ZNF76: variants seen among roughly 807,000 people sequenced by gnomAD.
ZNF76 encodes the protein zinc finger protein 523.
Under a neutral mutation model 66.9 loss-of-function variants are expected in ZNF76, and 66 were observed. The ratio of observed to expected loss-of-function variants is 0.99; its 90% CI spans 0.81 to 1.21. The LOEUF (loss-of-function observed/expected upper bound fraction) is 1.21. Among genes scored for constraint, ZNF76 ranks in the 50% most tolerant of loss-of-function variants. The pLI is 0.00. For synonymous variants in ZNF76, 275 were observed against 296.1 expected, an observed-to-expected ratio of 0.93 and a Z score of 0.73; for missense variants, 729 against 760.3, an observed-to-expected ratio of 0.96 and a Z score of 0.48.
intron 2 of ZNF76, among the ~76,000 whole-genome samples, chr6:35,281,506 A>G (rs1031598307): frequency 5.3e-5 from 8 of 152,222 alleles, no homozygotes; most frequent in African/African-American, 1.9e-4. Context: ...TGGAATGAAC[A>G]CAGTGTTAGT....
chr6:35,286,272 C>T (rs1046926158), intron 3 of ZNF76, 50 bp from the exon 4 acceptor site: 4 of 1,612,172 alleles, frequency 2.5e-6, no homozygotes, highest in Non-Finnish European at 3.4e-6. Context: ...CCAAGGGACC[C>T]CTCCATGGCA....
intron 1 of ZNF76, among the ~76,000 whole-genome samples, chr6:35,274,103 C>T (rs1036505052): frequency 2.0e-5 from 3 of 152,218 alleles, no homozygotes; most frequent in African/African-American, 7.2e-5. Context: ...TTGTTTGCCA[C>T]TCATCTTCAT....
At chr6:35,279,963 C>G (rs953851725) in intron 1 of ZNF76, 1 of 151,770 alleles carries the variant, frequency 6.6e-6, no homozygotes, top group African/African-American at 2.4e-5. Flanking sequence ...TCTTGTGTAG[C>G]TAGGATTGCA....
intron 2 of ZNF76, among the ~76,000 whole-genome samples, chr6:35,283,928 G>A (rs1789147196): frequency 6.6e-6 from 1 of 152,152 alleles, no homozygotes; most frequent in Admixed American, 6.5e-5. Context: ...CTGACCCCAA[G>A]AAGACTCAGT....
chr6:35,288,297 C>T (rs891430362), intron 5 of ZNF76: 1 of 370,884 alleles, frequency 2.7e-6, no homozygotes, highest in South Asian at 2.0e-5. Context: ...GGAAAATTAA[C>T]CTCAGTGGGC....
intron 1 of ZNF76, among the ~76,000 whole-genome samples, chr6:35,271,093 G>A (rs1295875265): frequency 1.3e-5 from 2 of 152,206 alleles, no homozygotes; most frequent in African/African-American, 4.8e-5. Flanking sequence ...ACGTAGTATG[G>A]AAGTTTGATA....
At position 35,290,335 on chromosome 6, in the gene ZNF76, G is replaced by C; in HGVS notation, c.502G>C (p.Gly168Arg). The change falls in exon 6 of 14, where the codon GGC becomes CGC. Residue 168 changes from glycine (G) to arginine (R), a missense_variant. Transcript: ENST00000373953. ...AGTTGGAGACAGAGCATTCCGCTGT[G>C]GCTACAAGGGCTGTGGGCGTCTCTA... ...QQVGDRAFRCGYKGCGRLYTT... is the reference protein window; with the variant it reads ...QQVGDRAFRCRYKGCGRLYTT... 1 of 1,614,176 alleles carries C rather than the reference G, an allele frequency of 6.2e-7. No homozygotes were observed. The highest frequency in any genetic ancestry group is 8.5e-7 in the Non-Finnish European group (1 of 1,180,014).
intron 2 of ZNF76, among the ~76,000 whole-genome samples, chr6:35,282,363 T>TAA (rs60281715): frequency 1.5e-5 from 2 of 134,614 alleles, no homozygotes; most frequent in African/African-American, 2.7e-5. Flanking sequence ...TACCAAGTTC[T>TAA]AAAAAAAAAA....
Position 35,295,255 on chromosome 6 carries a change from G to A in ZNF76, c.*7G>A, listed in dbSNP as rs1424999768. 1.3e-6 allele frequency: 2 copies of A among 1,593,070 alleles called. No individual in the cohort carries two copies. Among genetic ancestry groups the A allele is most frequent in the Admixed American group, 3.5e-5 (2 of 57,564 alleles). On this transcript the variant is annotated 3_prime_UTR_variant, in exon 14 of 14. Coordinates refer to ENST00000373953, the MANE Select transcript of ZNF76 (RefSeq NM_003427.5). ...GTCGGAGAGTGGCTGCTGAGTCCAA[G>A]AGGGCTGGGTCCCACACCATGCTGG...
chr6:35,292,869 CT>C lies in ZNF76; in HGVS notation c.1166-11del. The stretch of plus-strand genomic sequence containing the variant: ...CTGGTAGCAGATGTCAGCCTTGGCT[CT>C]CCTCTCCCAGCCGCCTCTGCAGCCG... On this transcript the variant is annotated splice_polypyrimidine_tract_variant and intron_variant, in intron 10 of 13. Transcript: ENST00000373953. This position sits in a 1 kb window ranked among gnomAD's most constrained non-coding sequence, Gnocchi z 4.7. 6 of 1,614,054 alleles carry C rather than the reference CT, an allele frequency of 3.7e-6. No individual in the cohort carries two copies. Among genetic ancestry groups the C allele is most frequent in the Non-Finnish European group, 5.1e-6 (6 of 1,179,996 alleles).
At chr6:35,267,022 A>G (rs997635101) in intron 1 of ZNF76, among the ~76,000 whole-genome samples, 1 of 151,882 alleles carries the variant, frequency 6.6e-6, no homozygotes, top group African/African-American at 2.4e-5. Flanking sequence ...GATGGTCTCT[A>G]TCTCCTGACT....
At chr6:35,278,062 TAGTC>T (rs1215655954) in intron 1 of ZNF76, among the ~76,000 whole-genome samples, 7 of 152,210 alleles carry the variant, frequency 4.6e-5, no homozygotes, top group African/African-American at 1.2e-4. Flanking sequence ...TTCACCCTGT[TAGTC>T]AGGATGGTCT....
Position 35,294,562 on chromosome 6 carries a change from C to T in ZNF76, c.1601C>T (p.Ala534Val). ...GCCACAGCCAACGGAACGCACATTG[C>T]AGTGCAGGTGAGTAGAGATCTGGGA... ...LLATANGTHI[A>V]VQLEEQQTLE... Residue 534 changes from alanine to valine, a missense_variant, in exon 13 of 14, where the codon GCA (alanine) becomes GTA (valine). Physicochemically the swap from Ala to Val is moderately conservative, Grantham distance 64 (BLOSUM62 0). Coordinates refer to ENST00000373953, the MANE Select transcript of ZNF76 (RefSeq NM_003427.5). 6.2e-7 allele frequency: 1 copy of T among 1,610,508 alleles called. No individual in the cohort carries two copies. The highest frequency in any genetic ancestry group is 8.5e-7 in the Non-Finnish European group (1 of 1,176,692).
At chr6:35,260,444 C>T (rs977621013) in intron 1 of ZNF76, among the ~76,000 whole-genome samples, 3 of 152,162 alleles carry the variant, frequency 2.0e-5, no homozygotes, top group African/African-American at 4.8e-5. Context: ...AGCCGTATGA[C>T]CCTCGTTCCA....
chr6:35,280,512 ATGATCCCCCCCCCCCCCGCCC>A (rs1490138006), intron 1 of ZNF76, among the ~76,000 whole-genome samples: 1 of 136,322 alleles, frequency 7.3e-6, no homozygotes, highest in Non-Finnish European at 1.5e-5. Context: ...GGACTCAAGC[ATGATCCCCCCCCCCCCCGCCC>A]TGAAGTTCTG....
intron 1 of ZNF76, among the ~76,000 whole-genome samples, chr6:35,263,190 A>C (rs1328177308): frequency 2.0e-5 from 3 of 152,086 alleles, no homozygotes; most frequent in African/African-American, 7.2e-5. Flanking sequence ...ACTTCTGATG[A>C]CTTCTGATAA....
At chr6:35,270,703 G>A (rs1356424074) in intron 1 of ZNF76, among the ~76,000 whole-genome samples, 5 of 151,348 alleles carry the variant, frequency 3.3e-5, no homozygotes, top group African/African-American at 9.7e-5. Flanking sequence ...GACTACAGGT[G>A]TGTGCCACCA....
Position 35,281,196 on chromosome 6 carries a change from A to G in ZNF76, c.45A>G (p.Thr15=). ...ACACGGTGACCCTTAGTGATGGGACAACAGCCTACGTCCAGCAAGCTGTCA... is the reference window on the plus strand; with the variant it reads ...ACACGGTGACCCTTAGTGATGGGACGACAGCCTACGTCCAGCAAGCTGTCA... ...GLHTVTLSDG[T]TAYVQQAVKG... The change falls in exon 2 of 14, where the codon ACA becomes ACG. Residue 15 remains threonine, a synonymous_variant. Coordinates refer to ENST00000373953, the MANE Select transcript of ZNF76 (RefSeq NM_003427.5). 2 of 1,613,948 alleles carry G rather than the reference A, an allele frequency of 1.2e-6. No homozygotes were observed. Among genetic ancestry groups the G allele is most frequent in the Non-Finnish European group, 1.7e-6 (2 of 1,180,028 alleles).
At chr6:35,282,416 C>A (rs149256018) in intron 2 of ZNF76, among the ~76,000 whole-genome samples, 1 of 151,378 alleles carries the variant, frequency 6.6e-6, no homozygotes, top group African/African-American at 2.4e-5. Flanking sequence ...ACCTGGGCAT[C>A]CTGTATTTTA....
Sources: allele counts gnomAD v4.1 joint callset (sites outside exome capture counted in the v4.1 genomes callset), GRCh38; gene constraint gnomAD v4.1.1; non-coding constraint Gnocchi (gnomAD v3.1); transcripts MANE v1.5; gene names NCBI Gene and HGNC (gene_info 2026-07-23, HGNC 2026-07-21).